Variants in DNM3 observed in about 807,000 individuals in gnomAD.
DNM3 encodes the protein dynamin-3.
A neutral mutation model predicts 101.6 loss-of-function variants in DNM3; 47 were observed. That is an observed-to-expected ratio of 0.46 (90% CI 0.37 to 0.59). DNM3 has a LOEUF of 0.59. Among genes scored for constraint, DNM3 ranks in the 20% least tolerant of loss-of-function variants. The pLI, the probability that DNM3 is intolerant of heterozygous loss-of-function variation, is 0.00. For missense variants in DNM3, 849 were observed against 1,085.7 expected (o/e 0.78, Z 3.06); for synonymous variants, 385 against 387.9 (o/e 0.99, Z 0.09).
intron 4 of DNM3, among the ~76,000 whole-genome samples, chr1:172,003,720 TGAATAATTTATTGCCTATTGACATA>T (rs113762623): frequency 0.35 from 52,489 of 151,770 alleles, 12,411 homozygotes; most frequent in African/African-American, 0.68. Context: ...GAGAGGTATT[TGAATAATTTATTGCCTATTGACATA>T]GATTTTTTCA....
intron 2 of DNM3, among the ~76,000 whole-genome samples, chr1:171,923,344 T>A (rs957450010): frequency 6.6e-6 from 1 of 152,226 alleles, no homozygotes; most frequent in African/African-American, 2.4e-5. Flanking sequence ...TTCCTTTGCC[T>A]AGTTTTAAAT....
chr1:171,905,744 G>A (rs1359997989), intron 1 of DNM3, among the ~76,000 whole-genome samples: 18 of 152,086 alleles, frequency 1.2e-4, no homozygotes, highest in Admixed American at 1.2e-3. Flanking sequence ...ATAGATTTTT[G>A]GAAATGGTAC....
intron 1 of DNM3, among the ~76,000 whole-genome samples, chr1:171,896,539 A>T (rs1474609570): frequency 6.6e-6 from 1 of 152,150 alleles, no homozygotes; most frequent in Non-Finnish European, 1.5e-5. Flanking sequence ...CAGCTTAAGG[A>T]GATTTTGGGC....
intron 17 of DNM3, among the ~76,000 whole-genome samples, chr1:172,374,445 G>A (rs2068499953): frequency 2.0e-5 from 3 of 151,900 alleles, no homozygotes; most frequent in Non-Finnish European, 1.5e-5. Flanking sequence ...CTTTTTTAAC[G>A]GCTTCGTTTT....
intron 16 of DNM3, among the ~76,000 whole-genome samples, chr1:172,322,016 A>G (rs543421086): frequency 7.2e-5 from 11 of 152,244 alleles, no homozygotes; most frequent in African/African-American, 2.6e-4. Flanking sequence ...GGCAACTCAC[A>G]ATGCCAAGAA....
At chr1:171,958,193 C>G (rs1018855219) in intron 2 of DNM3, among the ~76,000 whole-genome samples, 1 of 152,158 alleles carries the variant, frequency 6.6e-6, no homozygotes, top group African/African-American at 2.4e-5. Context: ...TCTCATGAGA[C>G]TTATTCACTA....
rs533301983 is a variant in DNM3 at position 171,867,375 on chromosome 1, C to A, written c.161+25558C>A. On this transcript the variant is annotated intron_variant, in intron 1 of 20. Coordinates refer to ENST00000627582, the MANE Select transcript of DNM3 (RefSeq NM_015569.5). ...ACTAAAAATTTGTATTTTAATATGG[C>A]TGTTCGTGCTTCAAACCTCACATAT... 5.3e-5 allele frequency among the ~76,000 whole-genome samples: 8 copies of A among 152,340 alleles called. No homozygotes were observed. In the South Asian group the frequency reaches 1.7e-3, roughly 32 times the overall value.
At chr1:172,333,971 CA>C (rs2066306517) in intron 17 of DNM3, among the ~76,000 whole-genome samples, 1 of 152,140 alleles carries the variant, frequency 6.6e-6, no homozygotes, top group Admixed American at 6.6e-5. Flanking sequence ...TTTTATATCA[CA>C]AGGGCTTTAA....
chr1:172,387,312 T>G lies in DNM3; in HGVS notation c.2238T>G (p.Thr746=). 1.9e-6 allele frequency: 3 copies of G among 1,613,806 alleles called. No individual in the cohort carries two copies. Among genetic ancestry groups the G allele is most frequent in the Admixed American group, 3.3e-5 (2 of 60,020 alleles). The change falls in exon 19 of 21, where the codon ACT becomes ACG. Residue 746 remains threonine, a synonymous_variant. Transcript: ENST00000627582. Reference sequence around the variant, plus strand: ...ACATCAGCACAGCCACCGTGTCCACTCCGGCACCCCCTCCAGTGGATGACT... The same window carrying G: ...ACATCAGCACAGCCACCGTGTCCACGCCGGCACCCCCTCCAGTGGATGACT... ...IGDISTATVS[T]PAPPPVDDSW... is the part of the protein sequence containing the mutation.
At chr1:171,910,690 G>C (rs542378008) in intron 1 of DNM3, among the ~76,000 whole-genome samples, 1 of 152,258 alleles carries the variant, frequency 6.6e-6, no homozygotes, top group South Asian at 2.1e-4. Flanking sequence ...TACTAAAAAT[G>C]ATGACAATGA....
chr1:171,932,365 G>A (rs1423283053), intron 2 of DNM3, among the ~76,000 whole-genome samples: 1 of 151,040 alleles, frequency 6.6e-6, no homozygotes, highest in African/African-American at 2.4e-5. Context: ...GGCTGGTCTT[G>A]AACTCCTAGG....
chr1:172,030,942 A>G (rs1489381072), intron 4 of DNM3, among the ~76,000 whole-genome samples: 1 of 152,200 alleles, frequency 6.6e-6, no homozygotes, highest in Non-Finnish European at 1.5e-5. Context: ...GAATGCTTTG[A>G]CACTGTTGGT....
intron 1 of DNM3, among the ~76,000 whole-genome samples, chr1:171,855,322 A>G (rs1210778550): frequency 6.6e-6 from 1 of 152,210 alleles, no homozygotes; most frequent in Admixed American, 6.5e-5. Context: ...TATTGTGAAT[A>G]GTGCTGCAGT....
Position 172,044,452 on chromosome 1 carries a change from G to A in DNM3, c.1196G>A (p.Arg399Lys). The change falls in exon 9 of 21, where the codon AGG (arginine) becomes AAG (lysine). Residue 399 changes from arginine (R) to lysine (K), a missense_variant and splice_region_variant. This residue lies in a region of DNM3 where 7 missense variants were observed against 29.2 expected (regional missense o/e 0.24). Transcript: ENST00000627582. ...GCAATCAAAAACATACATGGTATCA[G>A]GCAAGTGATTCACATTTTTCTTGTC... ...SYAIKNIHGI[R>K]TGLFTPDMAF... The A allele has an allele frequency of 6.2e-7, 1 of 1,603,652 alleles. No individual in the cohort carries two copies. Among genetic ancestry groups the A allele is most frequent in the Non-Finnish European group, 8.5e-7 (1 of 1,175,158 alleles).
In DNM3 at chr1:172,409,002, G is replaced by A. The variant is rs2149132516; in HGVS notation, c.*1161G>A. 1.0e-6 allele frequency: 1 copy of A among 985,342 alleles called. No homozygotes were observed. The highest frequency in any genetic ancestry group is 1.1e-4 in the East Asian group (1 of 8,818). The allele number at this position is 985,342 out of a possible 1,614,324, so 61.0% of individuals were successfully genotyped here. A position where few individuals can be genotyped will look rare whatever the true frequency, so the allele number is the denominator to read the frequency against. On this transcript the variant is annotated 3_prime_UTR_variant, in exon 21 of 21. Transcript: ENST00000627582. ...CCTATCCAGGTCACTCCAGAAAAGG[G>A]TATTGAAACGTTGAAATCTAAAGCA...
intron 15 of DNM3, among the ~76,000 whole-genome samples, chr1:172,302,559 C>A (rs769940983): frequency 3.9e-5 from 6 of 152,242 alleles, no homozygotes; most frequent in Non-Finnish European, 7.3e-5. Flanking sequence ...AACGGACAGA[C>A]TGCCTCCTCA....
chr1:171,984,619 A>C (rs1000014695), intron 2 of DNM3, among the ~76,000 whole-genome samples: 6 of 152,170 alleles, frequency 3.9e-5, no homozygotes, highest in Non-Finnish European at 8.8e-5. Flanking sequence ...AGCATTTGCT[A>C]TCCCCCTGCT....
intron 17 of DNM3, among the ~76,000 whole-genome samples, chr1:172,346,517 G>T (rs1209614563): frequency 1.3e-5 from 2 of 152,160 alleles, no homozygotes; most frequent in South Asian, 4.1e-4. Flanking sequence ...TATACTAGGA[G>T]TGAGTAAGTA....
intron 4 of DNM3, among the ~76,000 whole-genome samples, chr1:172,020,030 TA>T (rs369019422): frequency 7.8e-4 from 119 of 152,300 alleles, no homozygotes; most frequent in African/African-American, 2.8e-3. Context: ...CTTCGCCTTT[TA>T]ATATGCCTTG....
Sources: allele counts gnomAD v4.1 joint callset (sites outside exome capture counted in the v4.1 genomes callset), GRCh38; gene constraint gnomAD v4.1.1; regional missense constraint gnomAD v4.1.1; transcripts MANE v1.5; gene names NCBI Gene and HGNC (gene_info 2026-07-23, HGNC 2026-07-21).